ZNF536: variants seen among roughly 807,000 people sequenced by gnomAD.
The protein encoded by ZNF536 is zinc finger protein 536.
Under a neutral mutation model 84.5 loss-of-function variants are expected in ZNF536, and 13 were observed. The observed-to-expected ratio is 0.15, with a 90% CI of 0.10 to 0.24. The LOEUF is 0.24. ZNF536 is among the 10% of genes least tolerant of loss of function. The probability of loss-of-function intolerance (pLI) is 1.00; values close to 1 mark genes in which losing one functional copy is unlikely to be tolerated. For missense variants in ZNF536, 1,536 were observed against 1,747.5 expected (o/e 0.88, Z 2.16); for synonymous variants, 811 against 742.5 (o/e 1.09, Z -1.50).
intron 3 of ZNF536, among the ~76,000 whole-genome samples, chr19:30,542,401 A>T (rs1411146113): frequency 6.6e-6 from 1 of 152,238 alleles, no homozygotes; most frequent in East Asian, 1.9e-4. Context: ...GGGAGAGGTT[A>T]TCAATGATAT....
chr19:30,359,891 C>A (rs904221861), intron 3 of ZNF536, among the ~76,000 whole-genome samples: 1 of 152,186 alleles, frequency 6.6e-6, no homozygotes, highest in Non-Finnish European at 1.5e-5. Flanking sequence ...CCTACACTGA[C>A]CCTGGGACAG....
intron 1 of ZNF536, among the ~76,000 whole-genome samples, chr19:30,587,276 G>C (rs1346933976): frequency 6.6e-6 from 1 of 152,116 alleles, no homozygotes; most frequent in Admixed American, 6.5e-5. Flanking sequence ...AATAATCTAT[G>C]GATTACAAGA....
chr19:30,355,968 C>T (rs569860986), intron 3 of ZNF536, among the ~76,000 whole-genome samples: 3 of 152,370 alleles, frequency 2.0e-5, no homozygotes. Flanking sequence ...GCTTAAGCAT[C>T]TACCTGCCTC....
chr19:30,702,272 C>T (rs557513787), intron 1 of ZNF536, among the ~76,000 whole-genome samples: 33 of 152,324 alleles, frequency 2.2e-4, no homozygotes, highest in African/African-American at 4.6e-4. Flanking sequence ...CTTGACCCTC[C>T]GCACTGTATA....
chr19:30,458,701 C>T (rs2052989092), intron 2 of ZNF536, among the ~76,000 whole-genome samples: 2 of 152,180 alleles, frequency 1.3e-5, no homozygotes, highest in Admixed American at 1.3e-4. Context: ...ATCCGGCCAC[C>T]TCAGCCTCCC....
intron 2 of ZNF536, among the ~76,000 whole-genome samples, chr19:30,309,324 T>TC (rs1308739129): frequency 6.6e-6 from 1 of 152,206 alleles, no homozygotes; most frequent in Non-Finnish European, 1.5e-5. Flanking sequence ...CTAACTGGTA[T>TC]CCCGGGGGCC....
chr19:30,339,216 G>T (rs1427286636), intron 2 of ZNF536, among the ~76,000 whole-genome samples: 1 of 152,190 alleles, frequency 6.6e-6, no homozygotes, highest in Non-Finnish European at 1.5e-5. Context: ...AATCCGCACG[G>T]AATTGTGCCA....
At chr19:30,281,281 G>T (rs2045434843) in intron 1 of ZNF536, among the ~76,000 whole-genome samples, 1 of 152,162 alleles carries the variant, frequency 6.6e-6, no homozygotes, top group East Asian at 1.9e-4. Flanking sequence ...GGTCCACCCA[G>T]GAAATGGCCA....
At chr19:30,581,537 A>G (rs1415904757) in intron 1 of ZNF536, among the ~76,000 whole-genome samples, 2 of 152,140 alleles carry the variant, frequency 1.3e-5, no homozygotes, top group Non-Finnish European at 2.9e-5. Context: ...GGCTTTGAGG[A>G]CTGGAAACAG....
At chr19:30,382,024 G>A (rs2049041314) in intron 1 of ZNF536, among the ~76,000 whole-genome samples, 1 of 152,188 alleles carries the variant, frequency 6.6e-6, no homozygotes, top group Non-Finnish European at 1.5e-5. Context: ...CCTGGTTTAA[G>A]TCTCAATGAA....
intron 1 of ZNF536, among the ~76,000 whole-genome samples, chr19:30,380,946 C>T (rs568250402): frequency 2.6e-5 from 4 of 152,160 alleles, no homozygotes; most frequent in Non-Finnish European, 4.4e-5. Context: ...ATGCAATCAC[C>T]GCTCACTGCA....
chr19:30,465,951 C>T (rs759186851), intron 2 of ZNF536, among the ~76,000 whole-genome samples: 23 of 152,048 alleles, frequency 1.5e-4, no homozygotes, highest in African/African-American at 1.2e-4. Context: ...GGGGTTTCAC[C>T]GCATTAGCCA....
At chr19:30,316,514 T>A (rs1469935167) in intron 2 of ZNF536, among the ~76,000 whole-genome samples, 1 of 152,220 alleles carries the variant, frequency 6.6e-6, no homozygotes, top group Non-Finnish European at 1.5e-5. Flanking sequence ...TTGTTATACA[T>A]ATTTTAAACA....
intron 1 of ZNF536, among the ~76,000 whole-genome samples, chr19:30,702,678 CT>C (rs1473235121): frequency 2.6e-4 from 39 of 152,334 alleles, no homozygotes; most frequent in African/African-American, 8.4e-4. Context: ...CCTCGCTGAC[CT>C]GCTCCTAGGA....
upstream of ZNF536, among the ~76,000 whole-genome samples, chr19:30,226,298 CTCT>C (rs1010628733): frequency 2.0e-5 from 3 of 152,196 alleles, no homozygotes; most frequent in Non-Finnish European, 4.4e-5. The surrounding 1 kb of genome is among the most constrained non-coding windows in gnomAD (Gnocchi z 4.6). Flanking sequence ...CCATTTTCTC[CTCT>C]GCCTGGGACG....
At position 30,548,462 on chromosome 19, in the gene ZNF536, A is replaced by G. The variant is rs756724521; in HGVS notation, c.2843A>G (p.Lys948Arg). ...DKALADPPSM[K>R]VHGVDGGEEK... ...GCCCTGGCTGACCCCCCTTCCATGA[A>G]AGTCCACGGAGTGGATGGTGGTGAG... The change falls in exon 4 of 5, where the codon AAA (lysine) becomes AGA (arginine). Residue 948 changes from lysine to arginine, a missense_variant. Coordinates refer to ENST00000355537, the MANE Select transcript of ZNF536 (RefSeq NM_014717.3). 6.2e-7 allele frequency: 1 copy of G among 1,614,150 alleles called. No homozygotes were observed. Among genetic ancestry groups the G allele is most frequent in the South Asian group, 1.1e-5 (1 of 91,080 alleles).
At chr19:30,402,935 A>G (rs1354803098) in intron 1 of ZNF536, among the ~76,000 whole-genome samples, 2 of 151,604 alleles carry the variant, frequency 1.3e-5, no homozygotes, top group African/African-American at 2.4e-5. Context: ...CTTTATTGTG[A>G]GGCCCAAACC....
rs2146172836 is a variant in ZNF536 at position 30,547,940 on chromosome 19, C to A, written c.2324-3C>A. 6.6e-7 allele frequency: 1 copy of A among 1,517,748 alleles called. No homozygotes were observed. The highest frequency in any genetic ancestry group is 8.8e-7 in the Non-Finnish European group (1 of 1,134,328). 94.0% of individuals were successfully genotyped at this position (1,517,748 alleles called of 1,614,324 possible). On this transcript the variant is annotated splice_polypyrimidine_tract_variant and splice_region_variant and intron_variant, in intron 3 of 4. Coordinates refer to ENST00000355537, the MANE Select transcript of ZNF536 (RefSeq NM_014717.3). ...TTTTTTTTCTTATATCAAAATCTTG[C>A]AGGTGAGAAACCCTACAAGTGTCCG... is the stretch of plus-strand genomic sequence containing the variant.
chr19:30,398,463 A>T (rs2034028215), intron 1 of ZNF536, among the ~76,000 whole-genome samples: 1 of 151,716 alleles, frequency 6.6e-6, no homozygotes. Context: ...ATAGGTATAC[A>T]CACGCCATGG....
Sources: gnomAD v4.1 joint callset for allele counts (sites outside exome capture counted in the v4.1 genomes callset) on GRCh38, gnomAD v4.1.1 for gene constraint, Gnocchi (gnomAD v3.1) non-coding constraint, MANE v1.5 for transcripts, NCBI Gene and HGNC (gene_info 2026-07-23, HGNC 2026-07-21) for gene names.